The following UGGT2 variants were observed in gnomAD, a reference collection of about 807,000 sequenced individuals.
UGGT2 encodes UDP-glucose:glycoprotein glucosyltransferase 2.
UGGT2 carries 180 observed loss-of-function variants against 192.1 expected under a neutral mutation model. The observed-to-expected ratio is 0.94, with a 90% CI of 0.83 to 1.06. UGGT2 has a LOEUF of 1.06. Among genes scored for constraint, UGGT2 ranks in the 50% least tolerant of loss-of-function variants. The pLI, the probability that UGGT2 is intolerant of heterozygous loss-of-function variation, is 0.00. For missense variants in UGGT2, 1,849 were observed against 1,795.7 expected (o/e 1.03, Z -0.54); for synonymous variants, 580 against 591.0 (o/e 0.98, Z 0.27).
At chr13:95,877,249 A>G (rs1891782686) in intron 29 of UGGT2, 30 bp downstream of exon 29, 1 of 1,517,454 alleles carries the variant, frequency 6.6e-7, no homozygotes, top group African/African-American at 1.4e-5. Context: ...ATTTATGTGT[A>G]AAAATTTAAA....
At chr13:95,907,730 C>T (rs2048337656) in intron 20 of UGGT2, among the ~76,000 whole-genome samples, 1 of 152,180 alleles carries the variant, frequency 6.6e-6, no homozygotes, top group Non-Finnish European at 1.5e-5. Context: ...TACACCAAAA[C>T]CACATCTGTA....
At chr13:95,929,784 C>T (rs1209464374) in intron 17 of UGGT2, among the ~76,000 whole-genome samples, 1 of 152,180 alleles carries the variant, frequency 6.6e-6, no homozygotes, top group Non-Finnish European at 1.5e-5. Context: ...GATTTATTTT[C>T]CTCTGGAGAT....
At chr13:95,835,245 A>C (rs1429994339) in intron 37 of UGGT2, among the ~76,000 whole-genome samples, 2 of 152,188 alleles carry the variant, frequency 1.3e-5, no homozygotes, top group Admixed American at 1.3e-4. Context: ...GTACTCCCTG[A>C]GACATGGCAC....
chr13:95,850,633 C>G (rs1394478146), intron 36 of UGGT2, among the ~76,000 whole-genome samples: 3 of 152,226 alleles, frequency 2.0e-5, no homozygotes, highest in South Asian at 2.1e-4. Flanking sequence ...CCAGGCTCAT[C>G]TAGCTCTTAG....
chr13:95,901,097 TTC>T (rs1229297695), intron 21 of UGGT2, among the ~76,000 whole-genome samples, 159 bp from the exon 22 acceptor site: 1 of 152,088 alleles, frequency 6.6e-6, no homozygotes, highest in East Asian at 1.9e-4. Context: ...AAAAAAAGAA[TTC>T]TGTTTTGACA....
At chr13:96,006,277 C>G (rs930855010) in intron 5 of UGGT2, among the ~76,000 whole-genome samples, 1 of 152,072 alleles carries the variant, frequency 6.6e-6, no homozygotes, top group African/African-American at 2.4e-5. Flanking sequence ...AGCACTGTAA[C>G]AGAAATAAAG....
intron 29 of UGGT2, among the ~76,000 whole-genome samples, chr13:95,873,924 C>G (rs1382627887): frequency 1.3e-5 from 2 of 152,146 alleles, no homozygotes; most frequent in Non-Finnish European, 2.9e-5. Flanking sequence ...TGGGGTCAGA[C>G]AACTATGAAT....
intron 17 of UGGT2, among the ~76,000 whole-genome samples, chr13:95,933,976 G>A (rs374274980): frequency 1.5e-4 from 23 of 152,282 alleles, no homozygotes; most frequent in African/African-American, 3.1e-4. Flanking sequence ...GAGCCACCGC[G>A]CCTGGTGATA....
intron 15 of UGGT2, among the ~76,000 whole-genome samples, chr13:95,942,248 GTGTGTGTGT>G (rs2140549097): frequency 6.6e-6 from 1 of 151,234 alleles, no homozygotes; most frequent in South Asian, 2.1e-4. Flanking sequence ...GTGTGTGTGT[GTGTGTGTGT>G]GTGTGTGTGT....
chr13:95,823,858 T>C (rs1885752252), intron 38 of UGGT2, among the ~76,000 whole-genome samples: 1 of 152,024 alleles, frequency 6.6e-6, no homozygotes, highest in Admixed American at 6.6e-5. Flanking sequence ...TCTGTGAGTT[T>C]TTTATTTTTT....
At chr13:95,846,539 CCTTT>C (rs1475707014) in intron 36 of UGGT2, among the ~76,000 whole-genome samples, 1 of 152,152 alleles carries the variant, frequency 6.6e-6, no homozygotes, top group African/African-American at 2.4e-5. Context: ...CTATAATTTT[CCTTT>C]CTTATAATAT....
chr13:96,029,477 G>A (rs947593961), intron 2 of UGGT2, among the ~76,000 whole-genome samples: 3 of 151,846 alleles, frequency 2.0e-5, no homozygotes, highest in Non-Finnish European at 4.4e-5. Context: ...GTAGAGACGG[G>A]GTCTCACAAT....
At chr13:95,854,148 A>C (rs1745202979) in intron 35 of UGGT2, among the ~76,000 whole-genome samples, 167 bp downstream of exon 35, 1 of 152,194 alleles carries the variant, frequency 6.6e-6, no homozygotes, top group South Asian at 2.1e-4. Flanking sequence ...TTTATGACTT[A>C]ATATACGTAA....
intron 5 of UGGT2, among the ~76,000 whole-genome samples, chr13:96,000,921 T>A (rs887694069): frequency 6.6e-6 from 1 of 152,238 alleles, no homozygotes; most frequent in African/African-American, 2.4e-5. Flanking sequence ...GTTAAAAATG[T>A]AGCATAAATA....
chr13:95,830,226 A>G lies in UGGT2; in HGVS notation c.4528+2701T>C, dbSNP rs985558225. Among the ~76,000 whole-genome samples, 8 of 152,226 alleles carry G rather than the reference A, an allele frequency of 5.3e-5. No homozygotes were observed. The East Asian group carries it at 5.8e-4, about 11-fold the overall frequency. ...ATTGAGGACACAGGCATGGGCAAGGACTTCATGACTAAAACACCAAAAGCA... is the reference window on the plus strand; with the variant it reads ...ATTGAGGACACAGGCATGGGCAAGGGCTTCATGACTAAAACACCAAAAGCA... On this transcript the variant is annotated intron_variant, in intron 38 of 38. Transcript: ENST00000376747.
chr13:95,808,301 T>C (rs938439277), intron 38 of UGGT2, among the ~76,000 whole-genome samples: 4 of 152,152 alleles, frequency 2.6e-5, no homozygotes, highest in African/African-American at 9.7e-5. Flanking sequence ...ATAAGAATAT[T>C]ACTGATCTTA....
At chr13:95,916,440 G>A (rs2140374852) in intron 20 of UGGT2, among the ~76,000 whole-genome samples, 1 of 152,228 alleles carries the variant, frequency 6.6e-6, no homozygotes, top group Admixed American at 6.5e-5. Context: ...CCACAAAGAT[G>A]AGAAAAAATC....
intron 1 of UGGT2, among the ~76,000 whole-genome samples, chr13:96,033,961 C>G (rs925423406): frequency 1.9e-4 from 29 of 152,298 alleles, no homozygotes; most frequent in African/African-American, 6.3e-4. Context: ...CACCTTCAAG[C>G]TAAGGACAAC....
chr13:95,834,020 T>A lies in UGGT2; in HGVS notation c.4402-967A>T, dbSNP rs190431494. 1.5e-3 allele frequency among the ~76,000 whole-genome samples: 230 copies of A among 152,302 alleles called. 3 individuals carry two copies. The highest frequency in any genetic ancestry group is 2.7e-3 in the Non-Finnish European group (186 of 68,028). On this transcript the variant is annotated intron_variant, in intron 37 of 38. Transcript: ENST00000376747. ...TTCCTCACCAAATATTTTCAGTTGATTCATTATGGATTTCTTTTCCATAGT... is the reference window on the plus strand; with the variant it reads ...TTCCTCACCAAATATTTTCAGTTGAATCATTATGGATTTCTTTTCCATAGT...
Sources: gnomAD v4.1 joint callset for allele counts (sites outside exome capture counted in the v4.1 genomes callset) on GRCh38, gnomAD v4.1.1 for gene constraint, MANE v1.5 for transcripts, NCBI Gene and HGNC (gene_info 2026-07-23, HGNC 2026-07-21) for gene names.